The following TSGA10 variants were observed in gnomAD, a reference collection of about 807,000 sequenced individuals.
TSGA10 encodes the protein testis specific 10.
In TSGA10, 43 loss-of-function variants were observed where a neutral mutation model predicts 96.6. The ratio of observed to expected loss-of-function variants is 0.44; its 90% CI spans 0.35 to 0.57. The LOEUF is 0.57. Among genes scored for constraint, TSGA10 ranks in the 20% least tolerant of loss-of-function variants. TSGA10 has a pLI of 0.01. For synonymous variants in TSGA10, 229 were observed against 269.9 expected (o/e 0.85, Z 1.48); for missense variants, 703 against 834.4 (o/e 0.84, Z 1.94).
chr2:99,120,887 A>AT (rs2092535692), intron 2 of TSGA10, among the ~76,000 whole-genome samples: 1 of 152,174 alleles, frequency 6.6e-6, no homozygotes, highest in South Asian at 2.1e-4. Context: ...CAATTTTGTC[A>AT]TTTTGAGAAT....
In TSGA10 at chr2:99,109,005, A is replaced by G. The variant is rs951905236; in HGVS notation, c.52-14T>C. 3.4e-6 allele frequency: 5 copies of G among 1,482,794 alleles called. No homozygotes were observed. Among genetic ancestry groups the G allele is most frequent in the Non-Finnish European group, 4.5e-6 (5 of 1,120,520 alleles). 91.9% of individuals were successfully genotyped at this position (1,482,794 alleles called of 1,614,324 possible). A position where few individuals can be genotyped will look rare whatever the true frequency, so the allele number is the denominator to read the frequency against. ...ACAGTTTGCACCCTATAATTATATAAGGAATTTGAAATCTTCTTTGATATA... is the reference window on the plus strand; with the variant it reads ...ACAGTTTGCACCCTATAATTATATAGGGAATTTGAAATCTTCTTTGATATA... On this transcript the variant is annotated splice_polypyrimidine_tract_variant and intron_variant, in intron 6 of 20. Transcript: ENST00000393483.
intron 10 of TSGA10, among the ~76,000 whole-genome samples, chr2:99,086,966 A>G (rs1290473373): frequency 1.3e-5 from 2 of 151,236 alleles, no homozygotes; most frequent in Non-Finnish European, 3.0e-5. Context: ...GCACTTTGGG[A>G]GGCCAAGGAG....
intron 17 of TSGA10, 109 bp downstream of exon 17, chr2:99,035,121 C>CA: frequency 1.3e-6 from 1 of 774,998 alleles, no homozygotes; most frequent in South Asian, 2.2e-5. Flanking sequence ...AATCTAAGTT[C>CA]AAAGACATGG....
At chr2:99,055,382 T>A (rs2083857378) in intron 16 of TSGA10, among the ~76,000 whole-genome samples, 1 of 152,022 alleles carries the variant, frequency 6.6e-6, no homozygotes, top group Non-Finnish European at 1.5e-5. Context: ...AAAGCTTCAG[T>A]TAGACAGAAA....
At chr2:99,142,337 A>G (rs1201670057) in intron 1 of TSGA10, 3 of 152,256 alleles carry the variant, frequency 2.0e-5, no homozygotes, top group Admixed American at 6.5e-5. Flanking sequence ...TTGATATGGT[A>G]GAACGCTGTG....
chr2:99,054,185 C>A (rs1313897919), intron 16 of TSGA10, among the ~76,000 whole-genome samples: 1 of 152,070 alleles, frequency 6.6e-6, no homozygotes, highest in Non-Finnish European at 1.5e-5. Context: ...GACATAGAGA[C>A]CAATGGAACA....
rs1241232283 is a variant in TSGA10 at position 99,017,714 on chromosome 2, G to A, written c.2072+486C>T. 2.0e-5 allele frequency among the ~76,000 whole-genome samples: 3 copies of A among 149,146 alleles called. No individual in the cohort carries two copies. The Admixed American group carries it at 2.0e-4, about 10-fold the overall frequency. On this transcript the variant is annotated intron_variant, in intron 20 of 20. Coordinates refer to ENST00000393483, the MANE Select transcript of TSGA10 (RefSeq NM_025244.4). The stretch of plus-strand genomic sequence containing the variant: ...CGGGAGGCGGAGCTTGCAGTGAGCC[G>A]AGATCCCGCCACTGCACTCCAGCCT...
At chr2:99,118,947 C>T (rs569415349) in intron 2 of TSGA10, 2 of 152,048 alleles carry the variant, frequency 1.3e-5, no homozygotes, top group Admixed American at 1.3e-4. Context: ...GTCTAAGATA[C>T]TGTGTTAGTA....
chr2:99,094,785 C>T (rs970514794), intron 10 of TSGA10, among the ~76,000 whole-genome samples: 2 of 152,128 alleles, frequency 1.3e-5, no homozygotes, highest in African/African-American at 4.8e-5. Flanking sequence ...TGAAAGGGAC[C>T]ACTTTTACAC....
intron 1 of TSGA10, among the ~76,000 whole-genome samples, chr2:99,151,652 T>A (rs1046120426): frequency 3.9e-5 from 6 of 152,308 alleles, no homozygotes; most frequent in African/African-American, 1.4e-4. Flanking sequence ...ACCAATAAAT[T>A]GCATATCTTC....
chr2:99,000,510 T>TAAA (rs71013451), intron 20 of TSGA10, among the ~76,000 whole-genome samples: 2 of 124,444 alleles, frequency 1.6e-5, no homozygotes, highest in Non-Finnish European at 3.4e-5. Context: ...AACTCTGACT[T>TAAA]AAAAAAAAAA....
intron 17 of TSGA10, among the ~76,000 whole-genome samples, chr2:99,023,515 T>C (rs1261344869): frequency 6.6e-6 from 1 of 152,206 alleles, no homozygotes; most frequent in Non-Finnish European, 1.5e-5. Context: ...TACTTCTGTG[T>C]TTTCTTCTTA....
intron 10 of TSGA10, among the ~76,000 whole-genome samples, chr2:99,094,801 G>C (rs189344851): frequency 1.3e-5 from 2 of 152,210 alleles, no homozygotes; most frequent in Admixed American, 1.3e-4. Flanking sequence ...TACACTGCTG[G>C]TGGGAATGTA....
intron 16 of TSGA10, among the ~76,000 whole-genome samples, chr2:99,053,099 A>G (rs552699053): frequency 6.6e-6 from 1 of 151,994 alleles, no homozygotes; most frequent in South Asian, 2.1e-4. Flanking sequence ...CCTGATAGTT[A>G]AGATTTAAAA....
chr2:99,133,694 A>G (rs1234754263), intron 1 of TSGA10, among the ~76,000 whole-genome samples: 1 of 152,094 alleles, frequency 6.6e-6, no homozygotes, highest in Non-Finnish European at 1.5e-5. Flanking sequence ...TGGTCTTTAC[A>G]ATTTGGTATG....
intron 10 of TSGA10, among the ~76,000 whole-genome samples, chr2:99,094,934 A>G (rs901985323): frequency 6.6e-6 from 1 of 152,222 alleles, no homozygotes; most frequent in African/African-American, 2.4e-5. Flanking sequence ...ATTATACAAA[A>G]AAGATACTTG....
chr2:99,104,213 G>C (rs2091087268), intron 9 of TSGA10, 95 bp from the exon 10 acceptor site: 12 of 1,380,944 alleles, frequency 8.7e-6, no homozygotes, highest in Non-Finnish European at 1.2e-5. Context: ...CTGGTTTATG[G>C]CAAGACTGAC....
At chr2:99,110,980 G>T in intron 4 of TSGA10, 65 bp from the exon 5 acceptor site, 1 of 416,424 alleles carries the variant, frequency 2.4e-6, no homozygotes, top group Non-Finnish European at 3.2e-6. Context: ...ATTGGAAAAA[G>T]AACATCAAAA....
chr2:99,154,574 G>T (rs772753227), intron 1 of TSGA10, 119 bp downstream of exon 1: 9 of 164,728 alleles, frequency 5.5e-5, no homozygotes, highest in Non-Finnish European at 1.2e-4. Context: ...TCAATAAAAA[G>T]TATTTGCTGG....
Sources: gnomAD v4.1 joint callset for allele counts (sites outside exome capture counted in the v4.1 genomes callset) on GRCh38, gnomAD v4.1.1 for gene constraint, MANE v1.5 for transcripts, NCBI Gene and HGNC (gene_info 2026-07-23, HGNC 2026-07-21) for gene names.